Variants in SLC26A2 observed in about 807,000 individuals in gnomAD.
The protein encoded by SLC26A2 is solute carrier family 26 member 2, also known as sulfate transporter.
In SLC26A2, 36 loss-of-function variants were observed where a neutral mutation model predicts 41.1. The ratio of observed to expected loss-of-function variants is 0.88; its 90% confidence interval spans 0.67 to 1.16. The LOEUF (loss-of-function observed/expected upper bound fraction) is 1.16. SLC26A2 is among the 50% of genes most tolerant of loss of function. The probability of loss-of-function intolerance (pLI) is 0.00; values close to 1 mark genes in which losing one functional copy is unlikely to be tolerated. For synonymous variants in SLC26A2, 291 were observed against 311.6 expected (o/e 0.93, Z 0.70); for missense variants, 796 against 869.6 (o/e 0.92, Z 1.07).
At chr5:149,973,956 G>A (rs1413350457) in intron 1 of SLC26A2, among the ~76,000 whole-genome samples, 2 of 152,122 alleles carry the variant, frequency 1.3e-5, no homozygotes, top group Admixed American at 6.5e-5. Context: ...CCAGCCTGGG[G>A]AGCTTAGTAG....
chr5:149,965,404 T>C (rs560166404), intron 1 of SLC26A2, among the ~76,000 whole-genome samples: 6 of 138,214 alleles, frequency 4.3e-5, no homozygotes, highest in Admixed American at 2.5e-4. Flanking sequence ...CGCTTGAACC[T>C]GGGAGATGGA....
At chr5:149,964,059 A>C (rs1754761830) in intron 1 of SLC26A2, among the ~76,000 whole-genome samples, 2 of 152,174 alleles carry the variant, frequency 1.3e-5, no homozygotes, top group African/African-American at 4.8e-5. Flanking sequence ...CATGCATAGA[A>C]GCTTATACCA....
rs1561822940 is a variant in SLC26A2 at position 149,981,242 on chromosome 5, A to C, written c.1649A>C (p.Lys550Thr). Residue 550 changes from lysine to threonine, a missense_variant, in exon 3 of 3, where the codon AAG (lysine) becomes ACG (threonine). Transcript: ENST00000286298. ...FCVILRTQKP[K>T]SSLLGLVEES... ...GTCATCCTCCGCACTCAGAAGCCAA[A>C]GAGTTCACTGCTTGGCTTGGTGGAA... is the stretch of plus-strand genomic sequence containing the variant. 2 of 1,614,160 alleles carry C rather than the reference A, an allele frequency of 1.2e-6. No homozygotes were observed. The highest frequency in any genetic ancestry group is 1.7e-6 in the Non-Finnish European group (2 of 1,180,006).
chr5:149,969,538 C>A (rs1754865535), intron 1 of SLC26A2, among the ~76,000 whole-genome samples: 1 of 152,164 alleles, frequency 6.6e-6, no homozygotes, highest in Admixed American at 6.5e-5. Context: ...TTTGTGTGAT[C>A]CTTCTCAGAT....
At position 149,985,059 on chromosome 5, in the gene SLC26A2, G is replaced by C. The variant is rs1316347009; in HGVS notation, c.*3246G>C. ...CCAGTTGAATAGGATCCAATCCCTG[G>C]TTAGCCTCTACACAATAATAGGGAG... On this transcript the variant is annotated 3_prime_UTR_variant, in exon 3 of 3. Coordinates refer to ENST00000286298, the MANE Select transcript of SLC26A2 (RefSeq NM_000112.4). 1 of 152,164 alleles carries C rather than the reference G, an allele frequency of 6.6e-6. No homozygotes were observed. The highest frequency in any genetic ancestry group is 2.4e-5 in the African/African-American group (1 of 41,442). The allele number at this position is 152,164 out of a possible 1,614,324, so 9.4% of individuals were successfully genotyped here.
In SLC26A2 at chr5:149,968,988, C is replaced by G. The variant is rs560025491; in HGVS notation, c.-26+8009C>G. 2.2e-4 allele frequency among the ~76,000 whole-genome samples: 31 copies of G among 143,372 alleles called. No homozygotes were observed. The South Asian group carries it at 7.0e-3, about 32-fold the overall frequency. The allele number at this position is 143,372 out of a possible 152,430, so 94.1% of individuals were successfully genotyped here. On this transcript the variant is annotated intron_variant, in intron 1 of 2. Coordinates refer to ENST00000286298, the MANE Select transcript of SLC26A2 (RefSeq NM_000112.4). ...AACTCCTGACCTCAAGCGATTCACC[C>G]GCCTTGGCCTCCCAAAGTGCTGGGA...
At chr5:149,969,866 G>A (rs973830074) in intron 1 of SLC26A2, among the ~76,000 whole-genome samples, 1 of 152,134 alleles carries the variant, frequency 6.6e-6, no homozygotes, top group Non-Finnish European at 1.5e-5. Context: ...TTGGCCTGCA[G>A]TGTATTCTCC....
rs748677654 is a variant in SLC26A2 at position 149,980,451 on chromosome 5, C to T, written c.858C>T (p.Leu286=). The T allele has an allele frequency of 5.6e-6, 9 of 1,614,026 alleles. No homozygotes were observed. The highest frequency in any genetic ancestry group is 4.4e-5 in the South Asian group (4 of 91,086). The change falls in exon 3 of 3, where the codon CTC becomes CTT. Residue 286 remains leucine (L), a synonymous_variant. Coordinates refer to ENST00000286298, the MANE Select transcript of SLC26A2 (RefSeq NM_000112.4). ...CTCGGACTAATGGTGTGGGCTCACT[C>T]ATCACTACCTGGATACATGTCTTCA... ...NLPRTNGVGS[L]ITTWIHVFRN... is the part of the protein sequence containing the mutation.
chr5:149,973,406 T>G (rs1391315336), intron 1 of SLC26A2, among the ~76,000 whole-genome samples: 2 of 152,140 alleles, frequency 1.3e-5, no homozygotes, highest in Admixed American at 1.3e-4. Flanking sequence ...TTCTGATTGG[T>G]GTATTCTTTT....
chr5:149,987,341 G>A lies in SLC26A2; in HGVS notation c.*5528G>A, dbSNP rs1755216194. On this transcript the variant is annotated 3_prime_UTR_variant, in exon 3 of 3. Transcript: ENST00000286298. ...GTTTATTATGTAAGATCCTGTATGT[G>A]TGTTGAGATTTAGAGGTTTCATTTG... 1 of 152,184 alleles carries A rather than the reference G, an allele frequency of 6.6e-6. No homozygotes were observed. The highest frequency in any genetic ancestry group is 2.4e-5 in the African/African-American group (1 of 41,436). 9.4% of individuals were successfully genotyped at this position (152,184 alleles called of 1,614,324 possible).
In SLC26A2 at chr5:149,977,698, T is replaced by G; in HGVS notation, c.46T>G (p.Ser16Ala). 1 of 1,614,088 alleles carries G rather than the reference T, an allele frequency of 6.2e-7. No homozygotes were observed. The highest frequency in any genetic ancestry group is 8.5e-7 in the Non-Finnish European group (1 of 1,179,988). The change falls in exon 2 of 3, where the codon TCA (serine) becomes GCA (alanine). Residue 16 changes from serine to alanine, a missense_variant. By Grantham distance (99) the Ser-to-Ala change is moderately conservative (BLOSUM62 1). Transcript: ENST00000286298. ...KEQHNVSPRD[S>A]AEGNDSYPSG... is the part of the protein sequence containing the mutation. ...GCAACATAACGTTTCACCCAGAGAC[T>G]CAGCTGAAGGAAATGACAGTTATCC... is the stretch of plus-strand genomic sequence containing the variant.
chr5:149,981,323 G>T lies in SLC26A2; in HGVS notation c.1730G>T (p.Gly577Val). The T allele has an allele frequency of 6.2e-7, 1 of 1,614,070 alleles. No individual in the cohort carries two copies. Among genetic ancestry groups the T allele is most frequent in the Non-Finnish European group, 8.5e-7 (1 of 1,179,982 alleles). ...TACAAGAACCTTCAGATTAAGCCAG[G>T]CATCAAGATTTTCCGCTTTGTAGCC... ...SAYKNLQIKPGIKIFRFVAPL... is the reference protein window; with the variant it reads ...SAYKNLQIKPVIKIFRFVAPL... Residue 577 changes from glycine to valine, a missense_variant, in exon 3 of 3, where the codon GGC becomes GTC. Physicochemically the swap from Gly to Val is moderately radical, Grantham distance 109 (BLOSUM62 -3). Transcript: ENST00000286298.
At position 149,981,896 on chromosome 5, in the gene SLC26A2, T is replaced by G. The variant is rs143847430; in HGVS notation, c.*83T>G. 7.1e-4 allele frequency: 770 copies of G among 1,082,530 alleles called. 1 individual carries two copies. The African/African-American group carries it at 0.01, about 15-fold the overall frequency. 67.1% of individuals were successfully genotyped at this position (1,082,530 alleles called of 1,614,324 possible). A position where few individuals can be genotyped will look rare whatever the true frequency, so the allele number is the denominator to read the frequency against. ...ATTTCCCAGTTCCACAGTGGGAAATTTTGCACACTTGAAATTTTAACCAAG... is the reference window on the plus strand; with the variant it reads ...ATTTCCCAGTTCCACAGTGGGAAATGTTGCACACTTGAAATTTTAACCAAG... On this transcript the variant is annotated 3_prime_UTR_variant, in exon 3 of 3. Transcript: ENST00000286298.
At chr5:149,969,458 C>T (rs181496757) in intron 1 of SLC26A2, among the ~76,000 whole-genome samples, 2 of 152,286 alleles carry the variant, frequency 1.3e-5, no homozygotes, top group East Asian at 3.9e-4. Flanking sequence ...CTAAAAAACC[C>T]AAAGTCAGAT....
rs188787549 is a variant in SLC26A2 at position 149,969,766 on chromosome 5, C to G, written c.-25-7862C>G. On this transcript the variant is annotated intron_variant, in intron 1 of 2. Coordinates refer to ENST00000286298, the MANE Select transcript of SLC26A2 (RefSeq NM_000112.4). ...CTTCACCCTTGGAACCTAGTGTGACCTTTTCCTGGGTCTTGGACTATACTG... is the reference window on the plus strand; with the variant it reads ...CTTCACCCTTGGAACCTAGTGTGACGTTTTCCTGGGTCTTGGACTATACTG... Among the ~76,000 whole-genome samples, 601 of 152,342 alleles carry G rather than the reference C, an allele frequency of 3.9e-3. 7 individuals are homozygous for G. Among genetic ancestry groups the G allele is most frequent in the African/African-American group, 0.014 (574 of 41,566 alleles).
At chr5:149,966,259 C>G (rs1457272797) in intron 1 of SLC26A2, among the ~76,000 whole-genome samples, 1 of 152,170 alleles carries the variant, frequency 6.6e-6, no homozygotes, top group Non-Finnish European at 1.5e-5. Flanking sequence ...TGATCTCTGT[C>G]TAGCTCTAAA....
chr5:149,975,640 G>C (rs1754979970), intron 1 of SLC26A2, among the ~76,000 whole-genome samples: 1 of 152,188 alleles, frequency 6.6e-6, no homozygotes. Flanking sequence ...GGTCACCTAA[G>C]TCTATTCTTT....
intron 1 of SLC26A2, among the ~76,000 whole-genome samples, chr5:149,962,650 T>A (rs1754732471): frequency 6.6e-6 from 1 of 152,150 alleles, no homozygotes; most frequent in East Asian, 1.9e-4. Flanking sequence ...ACACTTTTAT[T>A]TTTTATTTTC....
In SLC26A2 at chr5:149,978,348, T is replaced by C. The variant is rs1039294894; in HGVS notation, c.696T>C (p.Tyr232=). The change falls in exon 2 of 3, where the codon TAT becomes TAC. Residue 232 remains tyrosine, a synonymous_variant. Transcript: ENST00000286298. ...GSTVTFIAGV[Y]QVAMGFFQVG... ...CTGTAACCTTTATAGCTGGAGTTTATCAGGTAAGCAGCAATGAAACAATTG... is the reference window on the plus strand; with the variant it reads ...CTGTAACCTTTATAGCTGGAGTTTACCAGGTAAGCAGCAATGAAACAATTG... 9 of 1,609,698 alleles carry C rather than the reference T, an allele frequency of 5.6e-6. No individual in the cohort carries two copies. The highest frequency in any genetic ancestry group is 3.3e-5 in the Admixed American group (2 of 60,006).
Sources: allele counts gnomAD v4.1 joint callset (sites outside exome capture counted in the v4.1 genomes callset), GRCh38; gene constraint gnomAD v4.1.1; transcripts MANE v1.5; gene names NCBI Gene and HGNC (gene_info 2026-07-23, HGNC 2026-07-21).